FAM13C: variants seen among roughly 807,000 people sequenced by gnomAD.
FAM13C encodes the protein family with sequence similarity 13 member C.
FAM13C carries 37 observed loss-of-function variants against 73.2 expected under a neutral mutation model. The ratio of observed to expected loss-of-function variants is 0.51; its 90% CI spans 0.39 to 0.67. FAM13C has a LOEUF of 0.67. FAM13C is among the 30% of genes least tolerant of loss of function. The pLI, the probability that FAM13C is intolerant of heterozygous loss-of-function variation, is 0.00. For missense variants in FAM13C, 589 were observed against 715.6 expected, an observed-to-expected ratio of 0.82 and a Z score of 2.02; for synonymous variants, 246 against 260.9, an observed-to-expected ratio of 0.94 and a Z score of 0.55.
chr10:59,339,438 T>TATCAG (rs1853198440), intron 3 of FAM13C, among the ~76,000 whole-genome samples: 1 of 152,104 alleles, frequency 6.6e-6, no homozygotes, highest in Non-Finnish European at 1.5e-5. Context: ...GTTTGTGAAG[T>TATCAG]ATCAGAATAA....
intron 8 of FAM13C, 71 bp from the exon 9 acceptor site, chr10:59,264,237 A>C: frequency 9.0e-7 from 1 of 1,114,988 alleles, no homozygotes; most frequent in Non-Finnish European, 1.3e-6. Context: ...AAAAAGAGAA[A>C]AGGAAAAACA....
At chr10:59,260,466 C>T (rs1398403627) in intron 10 of FAM13C, among the ~76,000 whole-genome samples, 2 of 152,136 alleles carry the variant, frequency 1.3e-5, no homozygotes, top group East Asian at 1.9e-4. Flanking sequence ...GGCCTTCATA[C>T]CTGCAATTCC....
At chr10:59,321,803 A>C (rs548017098) in intron 4 of FAM13C, among the ~76,000 whole-genome samples, 2 of 152,056 alleles carry the variant, frequency 1.3e-5, no homozygotes, top group East Asian at 1.9e-4. Context: ...AAGACTGACT[A>C]CTCCTTCGAG....
chr10:59,264,333 A>G (rs1313756347), intron 8 of FAM13C, among the ~76,000 whole-genome samples, 167 bp from the exon 9 acceptor site: 3 of 152,192 alleles, frequency 2.0e-5, no homozygotes, highest in African/African-American at 7.2e-5. Flanking sequence ...TTTCTGATGG[A>G]GTTGCTTCTG....
chr10:59,361,967 G>A (rs1329914365), intron 1 of FAM13C, among the ~76,000 whole-genome samples: 1 of 152,170 alleles, frequency 6.6e-6, no homozygotes, highest in Non-Finnish European at 1.5e-5. Context: ...AGAGGGCCAA[G>A]ATAAGTTTAG....
chr10:59,302,936 C>A, intron 4 of FAM13C, 72 bp from the exon 5 acceptor site: 1 of 1,418,694 alleles, frequency 7.0e-7, no homozygotes, highest in Admixed American at 1.7e-5. Flanking sequence ...AAGCTGGTGG[C>A]TACAAATCTG....
intron 3 of FAM13C, among the ~76,000 whole-genome samples, chr10:59,338,204 G>T (rs539945219): frequency 1.3e-3 from 195 of 152,130 alleles, no homozygotes; most frequent in African/African-American, 4.0e-3. Flanking sequence ...CTGGGATGCA[G>T]GAATGAAAAA....
At chr10:59,249,540 A>C (rs1028318469) in intron 13 of FAM13C, among the ~76,000 whole-genome samples, 1 of 152,166 alleles carries the variant, frequency 6.6e-6, no homozygotes, top group Non-Finnish European at 1.5e-5. Flanking sequence ...ATAATTATTA[A>C]TAATAATGTA....
At chr10:59,322,028 T>C (rs959236771) in intron 4 of FAM13C, among the ~76,000 whole-genome samples, 1 of 152,180 alleles carries the variant, frequency 6.6e-6, no homozygotes, top group Non-Finnish European at 1.5e-5. Context: ...TACAGTATCA[T>C]GTCTCTATCA....
Position 59,246,438 on chromosome 10 carries a change from C to T in FAM13C, c.*1176G>A, listed in dbSNP as rs1173588508. 1 of 369,062 alleles carries T rather than the reference C, an allele frequency of 2.7e-6. No individual in the cohort carries two copies. The highest frequency in any genetic ancestry group is 2.1e-5 in the African/African-American group (1 of 48,004). 22.9% of individuals were successfully genotyped at this position (369,062 alleles called of 1,614,324 possible). On this transcript the variant is annotated 3_prime_UTR_variant, in exon 14 of 14. Transcript: ENST00000618804. Reference sequence around the variant, plus strand: ...TGAAATAGTCAATAGTCTTCCCATCCAAACTATAAGAGAATGTGAATTTCT... The same window carrying T: ...TGAAATAGTCAATAGTCTTCCCATCTAAACTATAAGAGAATGTGAATTTCT...
At chr10:59,330,522 G>A (rs918920521) in intron 3 of FAM13C, among the ~76,000 whole-genome samples, 26 of 152,254 alleles carry the variant, frequency 1.7e-4, no homozygotes, top group African/African-American at 6.0e-4. Context: ...TGGGTTAAAG[G>A]ACTCAGGGAC....
chr10:59,252,412 A>G (rs552724866), intron 12 of FAM13C, among the ~76,000 whole-genome samples: 3 of 152,306 alleles, frequency 2.0e-5, no homozygotes, highest in Admixed American at 2.0e-4. Context: ...TTTCTCTGAC[A>G]GACACTTCTG....
At chr10:59,351,158 C>G (rs776242543) in intron 3 of FAM13C, among the ~76,000 whole-genome samples, 2 of 151,886 alleles carry the variant, frequency 1.3e-5, no homozygotes, top group Non-Finnish European at 2.9e-5. Flanking sequence ...GGTGAAACCC[C>G]GTCTCTACAA....
chr10:59,282,958 A>T (rs1222605997), intron 6 of FAM13C: 3 of 194,694 alleles, frequency 1.5e-5, no homozygotes, highest in Non-Finnish European at 3.2e-5. Flanking sequence ...AGGAAGTAGC[A>T]GTATGGAAAC....
At position 59,254,466 on chromosome 10, in the gene FAM13C, T is replaced by G. The variant is rs775792671; in HGVS notation, c.1237-23A>C. 19 of 1,362,332 alleles carry G rather than the reference T, an allele frequency of 1.4e-5. No individual in the cohort carries two copies. The South Asian group carries it at 2.9e-4, about 21-fold the overall frequency. 84.4% of individuals were successfully genotyped at this position (1,362,332 alleles called of 1,614,324 possible). A position where few individuals can be genotyped will look rare whatever the true frequency, so the allele number is the denominator to read the frequency against. ...TACCTGAAAAACATGAAATTAATTA[T>G]TATTCCTCTCTCAGACAAGAATGAA... On this transcript the variant is annotated intron_variant, in intron 10 of 13. Transcript: ENST00000618804.
intron 13 of FAM13C, among the ~76,000 whole-genome samples, chr10:59,250,722 A>C (rs1841289161): frequency 6.6e-6 from 1 of 152,146 alleles, no homozygotes; most frequent in African/African-American, 2.4e-5. Context: ...TTTAATGATG[A>C]GTTTATGAGT....
chr10:59,346,499 C>G (rs1854307326), intron 3 of FAM13C, among the ~76,000 whole-genome samples: 1 of 152,192 alleles, frequency 6.6e-6, no homozygotes, highest in African/African-American at 2.4e-5. Flanking sequence ...AGTGGATTAG[C>G]AGTATGATCA....
chr10:59,358,101 G>A (rs1191826243), intron 1 of FAM13C, among the ~76,000 whole-genome samples: 1 of 152,046 alleles, frequency 6.6e-6, no homozygotes, highest in Non-Finnish European at 1.5e-5. Context: ...AAAAAAATTG[G>A]TTGCCCTGGT....
intron 9 of FAM13C, chr10:59,263,846 G>A: frequency 2.0e-6 from 1 of 506,950 alleles, no homozygotes; most frequent in Non-Finnish European, 3.6e-6. Context: ...TGGCATTGAA[G>A]TGAATCATTC....
Sources: allele counts gnomAD v4.1 joint callset (sites outside exome capture counted in the v4.1 genomes callset), GRCh38; gene constraint gnomAD v4.1.1; transcripts MANE v1.5; gene names NCBI Gene and HGNC (gene_info 2026-07-23, HGNC 2026-07-21).